Variants in RASSF7 observed in about 807,000 individuals in gnomAD.
The protein encoded by RASSF7 is Ras association domain family member 7.
In RASSF7, 41 loss-of-function variants were observed where a neutral mutation model predicts 33.8. The ratio of observed to expected loss-of-function variants is 1.21; its 90% CI spans 0.95 to 1.57. RASSF7 has a LOEUF of 1.57. RASSF7 is among the 40% of genes most tolerant of loss of function. RASSF7 has a pLI of 0.00. For synonymous variants in RASSF7, 298 were observed against 212.8 expected (o/e 1.40, Z -3.48); for missense variants, 622 against 497.0 (o/e 1.25, Z -2.39).
rs2134121190 is a variant in RASSF7, at chr11:562,384, C to T, written c.430C>T (p.Pro144Ser). Residue 144 changes from proline (P) to serine (S), a missense_variant, in exon 3 of 6, where the codon CCT (proline) becomes TCT (serine). Physicochemically the swap from Pro to Ser is moderately conservative, Grantham distance 74 (BLOSUM62 -1). Transcript: ENST00000397583. ...CCTCTCACGCCCTGGGCCTGCGGCCCCTGTGACACCCACACCAGGCTGCTG... is the reference window on the plus strand; with the variant it reads ...CCTCTCACGCCCTGGGCCTGCGGCCTCTGTGACACCCACACCAGGCTGCTG... ...PSLSRPGPAA[P>S]VTPTPGCCTD... is the part of the protein sequence containing the mutation. 3.2e-6 allele frequency: 5 copies of T among 1,579,700 alleles called. No homozygotes were observed. Among genetic ancestry groups the T allele is most frequent in the Non-Finnish European group, 4.3e-6 (5 of 1,162,908 alleles).
intron 2 of RASSF7, 54 bp from the exon 3 acceptor site, chr11:562,025 C>T: frequency 6.6e-7 from 1 of 1,510,636 alleles, no homozygotes; most frequent in Non-Finnish European, 8.9e-7. Flanking sequence ...CTCTTCAAGC[C>T]AGGTGGACAG....
Position 561,167 on chromosome 11 carries a change from C to G in RASSF7, c.-318C>G. ...GGGGCGGCGCCGCACCTGCGCCCGC[C>G]CTGCGGAACGGGGACGCCCTGGCTC... On this transcript the variant is annotated 5_prime_UTR_variant, in exon 1 of 6. Transcript: ENST00000397583. The G allele has an allele frequency of 1.0e-5, 10 of 984,880 alleles. No individual in the cohort carries two copies. Among genetic ancestry groups the G allele is most frequent in the Non-Finnish European group, 1.2e-5 (10 of 829,756 alleles). 61.0% of individuals were successfully genotyped at this position (984,880 alleles called of 1,614,324 possible). A position where few individuals can be genotyped will look rare whatever the true frequency, so the allele number is the denominator to read the frequency against.
chr11:562,104 G>A lies in RASSF7; in HGVS notation c.150G>A (p.Val50=). The A allele has an allele frequency of 1.3e-6, 2 of 1,531,244 alleles. No homozygotes were observed. Among genetic ancestry groups the A allele is most frequent in the South Asian group, 2.6e-5 (2 of 78,416 alleles). The allele number at this position is 1,531,244 out of a possible 1,614,324, so 94.9% of individuals were successfully genotyped here. The part of the protein sequence containing the change: ...AIGQTGRFVL[V]QRLREKERQL... ...GCCAGACTGGCCGCTTTGTGCTTGT[G>A]CAGCGGCTTCGGGAGAAGGAGCGGC... Residue 50 remains valine, a synonymous_variant, in exon 3 of 6, where the codon GTG becomes GTA. Coordinates refer to ENST00000397583, the MANE Select transcript of RASSF7 (RefSeq NM_003475.4).
chr11:560,986 C>T lies in RASSF7; in HGVS notation c.-499C>T. ...GGGTGCGCCGCGGCGCTGGGGGCGG[C>T]AGGTTGCGGCGGCGCCGGAGCGGGT... On this transcript the variant is annotated 5_prime_UTR_variant, in exon 1 of 6. Coordinates refer to ENST00000397583, the MANE Select transcript of RASSF7 (RefSeq NM_003475.4). 2.8e-6 allele frequency: 3 copies of T among 1,070,588 alleles called. No individual in the cohort carries two copies. The highest frequency in any genetic ancestry group is 3.4e-6 in the Non-Finnish European group (3 of 885,762). The allele number at this position is 1,070,588 out of a possible 1,614,324, so 66.3% of individuals were successfully genotyped here. A position where few individuals can be genotyped will look rare whatever the true frequency, so the allele number is the denominator to read the frequency against.
rs1266614232 is a variant in RASSF7 at position 563,848 on chromosome 11, C to A, written c.*203C>A. 11 of 598,342 alleles carry A rather than the reference C, an allele frequency of 1.8e-5. No homozygotes were observed. The East Asian group carries it at 3.1e-4, about 17-fold the overall frequency. The allele number at this position is 598,342 out of a possible 1,614,324, so 37.1% of individuals were successfully genotyped here. ...CGTAGCCAGCTCGGAACTTGCCAGG[C>A]CCCAAAGGCCACGACTGCCTGTTGG... On this transcript the variant is annotated 3_prime_UTR_variant, in exon 6 of 6. Coordinates refer to ENST00000397583, the MANE Select transcript of RASSF7 (RefSeq NM_003475.4).
At position 563,196 on chromosome 11, in the gene RASSF7, C is replaced by A; in HGVS notation, c.830C>A (p.Ala277Asp). Residue 277 changes from alanine (A) to aspartate (D), a missense_variant, in exon 4 of 6, where the codon GCT (alanine) becomes GAT (aspartate). By Grantham distance (126) the Ala-to-Asp change is moderately radical. Transcript: ENST00000397583. ...GATCTCATGTGTCCCCAGGCTCAGG[C>A]TCAGGAGCTGGAGGAGCTGAACCGA... is the stretch of plus-strand genomic sequence containing the variant. The part of the protein sequence containing the change: ...EAAERALQAQ[A>D]QELEELNREL... 1 of 1,579,910 alleles carries A rather than the reference C, an allele frequency of 6.3e-7. No homozygotes were observed. The highest frequency in any genetic ancestry group is 8.6e-7 in the Non-Finnish European group (1 of 1,158,708).
chr11:562,747 G>A lies in RASSF7; in HGVS notation c.793G>A (p.Ala265Thr), dbSNP rs774385484. The stretch of plus-strand genomic sequence containing the variant: ...GGGCAGCCTGGCTCTGGTGAGCCGG[G>A]CCCTGGAGGCAGCAGAGCGAGCCTT... ...VQGSLALVSR[A>T]LEAAERALQA... The change falls in exon 3 of 6, where the codon GCC (alanine) becomes ACC (threonine). Residue 265 changes from alanine to threonine, a missense_variant. Ala to Thr is a moderately conservative substitution (Grantham distance 58). Transcript: ENST00000397583. The A allele has an allele frequency of 6.6e-6, 10 of 1,521,682 alleles. No individual in the cohort carries two copies. The South Asian group carries it at 8.6e-5, about 13-fold the overall frequency. 94.3% of individuals were successfully genotyped at this position (1,521,682 alleles called of 1,614,324 possible).
Position 561,826 on chromosome 11 carries a change from G to C in RASSF7, c.58G>C (p.Val20Leu). 6.2e-7 allele frequency: 1 copy of C among 1,613,494 alleles called. No individual in the cohort carries two copies. Among genetic ancestry groups the C allele is most frequent in the Non-Finnish European group, 8.5e-7 (1 of 1,180,014 alleles). Reference sequence around the variant, plus strand: ...GGTGTGGGTGGATGGCATCCAGCGTGTGGTCTGTGGGGTCTCAGAGCAGAC... The same window carrying C: ...GGTGTGGGTGGATGGCATCCAGCGTCTGGTCTGTGGGGTCTCAGAGCAGAC... ...LKVWVDGIQR[V>L]VCGVSEQTTC... Residue 20 changes from valine to leucine, a missense_variant, in exon 2 of 6, where the codon GTG (valine) becomes CTG (leucine). Physicochemically the swap from Val to Leu is conservative, Grantham distance 32. Transcript: ENST00000397583.
rs1022613545 is a variant in RASSF7, at chr11:563,686, A to G, written c.*41A>G. On this transcript the variant is annotated 3_prime_UTR_variant, in exon 6 of 6. Coordinates refer to ENST00000397583, the MANE Select transcript of RASSF7 (RefSeq NM_003475.4). ...TGCAAGACCATCCTGCCCGGACCAC[A>G]GAAGGAGAGTTGGCGGTCACAGAGG... 6.5e-7 allele frequency: 1 copy of G among 1,547,420 alleles called. No individual in the cohort carries two copies. The highest frequency in any genetic ancestry group is 8.8e-7 in the Non-Finnish European group (1 of 1,140,704).
At chr11:563,512 G>A (rs528081423) in intron 5 of RASSF7, 34 bp downstream of exon 5, 19 of 1,609,178 alleles carry the variant, frequency 1.2e-5, no homozygotes, top group Middle Eastern at 1.7e-4. Context: ...CTGGGGCACC[G>A]GGCCCTCCTG....
chr11:563,507 G>A (rs1226215439), intron 5 of RASSF7, 29 bp downstream of exon 5: 2 of 1,609,178 alleles, frequency 1.2e-6, no homozygotes, highest in Non-Finnish European at 1.7e-6. Flanking sequence ...TCCCCCTGGG[G>A]CACCGGGCCC....
At position 563,419 on chromosome 11, in the gene RASSF7, G is replaced by A. The variant is rs141908941; in HGVS notation, c.975G>A (p.Glu325=). The A allele has an allele frequency of 4.0e-5, 64 of 1,611,834 alleles. No individual in the cohort carries two copies. The African/African-American group carries it at 4.7e-4, about 12-fold the overall frequency. Residue 325 remains glutamate, a synonymous_variant, in exon 5 of 6, where the codon GAG becomes GAA. Coordinates refer to ENST00000397583, the MANE Select transcript of RASSF7 (RefSeq NM_003475.4). ...GTQGPLPPAR[E]ESLLGAPSES... Reference sequence around the variant, plus strand: ...AGGGCCCTCTGCCTCCAGCCAGAGAGGAGTCCCTCCTGGGCGCTCCCTCTG... The same window carrying A: ...AGGGCCCTCTGCCTCCAGCCAGAGAAGAGTCCCTCCTGGGCGCTCCCTCTG...
chr11:561,731 T>C, intron 1 of RASSF7, 31 bp from the exon 2 acceptor site: 4 of 1,612,144 alleles, frequency 2.5e-6, no homozygotes, highest in Non-Finnish European at 1.7e-6. Context: ...AGTAGGCAGG[T>C]CCTGACCCGG....
In RASSF7 at chr11:561,486, AG is replaced by A; in HGVS notation, c.-8+10del. 7.7e-7 allele frequency: 1 copy of A among 1,303,362 alleles called. No homozygotes were observed. Among genetic ancestry groups the A allele is most frequent in the Non-Finnish European group, 9.8e-7 (1 of 1,018,734 alleles). The allele number at this position is 1,303,362 out of a possible 1,614,324, so 80.7% of individuals were successfully genotyped here. On this transcript the variant is annotated intron_variant, in intron 1 of 5. Transcript: ENST00000397583. ...AGTGTCCTCCGAGCCAGGTGAGGCG[AG>A]TAGGAAATGCTGGATCTGGTTAATG...
intron 1 of RASSF7, 139 bp from the exon 2 acceptor site, chr11:561,622 GC>G: frequency 7.0e-7 from 1 of 1,423,290 alleles, no homozygotes; most frequent in Non-Finnish European, 9.3e-7. Flanking sequence ...GGCGGGTGGG[GC>G]TGGCACAGGA....
chr11:562,796 C>G lies in RASSF7; in HGVS notation c.822+20C>G. On this transcript the variant is annotated intron_variant, in intron 3 of 5. Transcript: ENST00000397583. ...TTGCAGGTGAGCCCGGGGACCTGAT[C>G]CCCTGTCACTCCCCCACCCCTGATA... 6.9e-7 allele frequency: 1 copy of G among 1,447,562 alleles called. No individual in the cohort carries two copies. The highest frequency in any genetic ancestry group is 2.5e-5 in the East Asian group (1 of 39,904). The allele number at this position is 1,447,562 out of a possible 1,614,324, so 89.7% of individuals were successfully genotyped here. A position where few individuals can be genotyped will look rare whatever the true frequency, so the allele number is the denominator to read the frequency against.
Position 561,077 on chromosome 11 carries a change from C to G in RASSF7, c.-408C>G. 1 of 988,468 alleles carries G rather than the reference C, an allele frequency of 1.0e-6. No homozygotes were observed. Among genetic ancestry groups the G allele is most frequent in the Non-Finnish European group, 1.2e-6 (1 of 832,226 alleles). 61.2% of individuals were successfully genotyped at this position (988,468 alleles called of 1,614,324 possible). A position where few individuals can be genotyped will look rare whatever the true frequency, so the allele number is the denominator to read the frequency against. ...CCGGTACTTGGGAGCGCGGGGCGCG[C>G]CTCGAGCCGGCCGGACGCCGACTCC... On this transcript the variant is annotated 5_prime_UTR_variant, in exon 1 of 6. Coordinates refer to ENST00000397583, the MANE Select transcript of RASSF7 (RefSeq NM_003475.4).
chr11:561,504 T>C lies in RASSF7; in HGVS notation c.-8+27T>C, dbSNP rs7928340. 2.7e-3 allele frequency: 3,623 copies of C among 1,365,346 alleles called. 71 individuals are homozygous for C. In the African/African-American group the frequency reaches 0.046, roughly 17 times the overall value. The allele number at this position is 1,365,346 out of a possible 1,614,324, so 84.6% of individuals were successfully genotyped here. A position where few individuals can be genotyped will look rare whatever the true frequency, so the allele number is the denominator to read the frequency against. ...TGAGGCGAGTAGGAAATGCTGGATC[T>C]GGTTAATGATTCGCCTTGTTCCGGG... On this transcript the variant is annotated intron_variant, in intron 1 of 5. Transcript: ENST00000397583.
intron 3 of RASSF7, 130 bp downstream of exon 3, chr11:562,906 C>T (rs1853406114): frequency 1.4e-5 from 12 of 837,132 alleles, no homozygotes; most frequent in South Asian, 5.5e-5. Flanking sequence ...CCACCCCTGA[C>T]GTGGGCAGAT....
Sources: gnomAD v4.1 joint callset for allele counts on GRCh38, gnomAD v4.1.1 for gene constraint, MANE v1.5 for transcripts, NCBI Gene and HGNC (gene_info 2026-07-23, HGNC 2026-07-21) for gene names.